SECISBP2: variants seen among roughly 807,000 people sequenced by gnomAD.
SECISBP2 encodes the protein selenocysteine insertion sequence-binding protein 2.
Under a neutral mutation model 98.2 loss-of-function variants are expected in SECISBP2, and 96 were observed. The observed-to-expected ratio is 0.98, with a 90% CI of 0.83 to 1.16. The LOEUF is 1.16. SECISBP2 is among the 50% of genes most tolerant of loss of function. SECISBP2 has a pLI of 0.00. For missense variants in SECISBP2, 1,046 were observed against 1,022.9 expected (o/e 1.02, Z -0.31); for synonymous variants, 407 against 370.2 (o/e 1.10, Z -1.14).
At position 89,341,358 on chromosome 9, in the gene SECISBP2, AAAT is replaced by A; in HGVS notation, c.1318_1320del (p.Asn440del). 1.2e-6 allele frequency: 2 copies of A among 1,613,830 alleles called. No homozygotes were observed. The highest frequency in any genetic ancestry group is 1.7e-6 in the Non-Finnish European group (2 of 1,179,774). ...TTTTGAACTTTCAGGATAATTTTAA[AAAT>A]AATGTAAAGAAGAGCCAGCTTCCAG... is the stretch of plus-strand genomic sequence containing the variant. On this transcript the variant is annotated inframe_deletion, in exon 10 of 17. Coordinates refer to ENST00000375807, the MANE Select transcript of SECISBP2 (RefSeq NM_024077.5).
At chr9:89,342,561 A>G (rs1034667246) in intron 10 of SECISBP2, among the ~76,000 whole-genome samples, 1 of 152,278 alleles carries the variant, frequency 6.6e-6, no homozygotes, top group African/African-American at 2.4e-5. Flanking sequence ...CAAATGTGGT[A>G]TACCTACACA....
At chr9:89,334,409 C>T in intron 6 of SECISBP2, 113 bp from the exon 7 acceptor site, 3 of 941,036 alleles carry the variant, frequency 3.2e-6, no homozygotes, top group Non-Finnish European at 5.0e-6. Context: ...TAAATGATAG[C>T]CTACATTTAA....
intron 1 of SECISBP2, chr9:89,318,925 G>A: frequency 7.4e-6 from 9 of 1,214,574 alleles, no homozygotes; most frequent in Non-Finnish European, 9.2e-6. Flanking sequence ...AGCTTCCCGC[G>A]CTCTTGGGAA....
intron 10 of SECISBP2, among the ~76,000 whole-genome samples, chr9:89,344,107 C>T (rs532566400): frequency 6.6e-6 from 1 of 152,104 alleles, no homozygotes; most frequent in African/African-American, 2.4e-5. Flanking sequence ...TTGTTGGCCA[C>T]GTGTATGTCT....
intron 9 of SECISBP2, among the ~76,000 whole-genome samples, chr9:89,340,417 G>A (rs1382246317): frequency 1.3e-5 from 2 of 152,256 alleles, no homozygotes; most frequent in East Asian, 3.9e-4. Context: ...CACCTACCCC[G>A]TAGATTCAGG....
At chr9:89,363,304 C>A, downstream of SECISBP2, 2 of 1,394,322 alleles carry the variant, frequency 1.4e-6, no homozygotes, top group Non-Finnish European at 1.9e-6. Context: ...AAGGAAACTG[C>A]TCCGGGGCTA....
intron 7 of SECISBP2, among the ~76,000 whole-genome samples, chr9:89,337,529 GT>G (rs987096648): frequency 3.9e-5 from 6 of 152,020 alleles, no homozygotes; most frequent in African/African-American, 1.2e-4. Context: ...GGGTTTCTCT[GT>G]TTTTTTGTTT....
downstream of SECISBP2, among the ~76,000 whole-genome samples, chr9:89,363,205 T>C (rs931958130): frequency 3.3e-5 from 5 of 152,162 alleles, no homozygotes; most frequent in African/African-American, 7.2e-5. Context: ...TTCAGTCTCT[T>C]TTAAGGGCTG....
At chr9:89,337,857 G>T (rs1040036941) in intron 7 of SECISBP2, among the ~76,000 whole-genome samples, 1 of 152,236 alleles carries the variant, frequency 6.6e-6, no homozygotes, top group Non-Finnish European at 1.5e-5. Context: ...CAGTCCAAGG[G>T]TAGAAAGCAA....
chr9:89,364,118 C>T, downstream of SECISBP2: 2 of 1,415,164 alleles, frequency 1.4e-6, no homozygotes, highest in Non-Finnish European at 1.9e-6. Context: ...TTCCCCATGG[C>T]CAGCGGGAGC....
At position 89,348,131 on chromosome 9, in the gene SECISBP2, T is replaced by A; in HGVS notation, c.1655T>A (p.Val552Glu). Reference protein sequence around the residue: ...ERKQRLQENAVSPAFTSDDTQ... With the variant: ...ERKQRLQENAESPAFTSDDTQ... The stretch of plus-strand genomic sequence containing the variant: ...AAGCAGCGTCTCCAAGAAAATGCTG[T>A]GAGTCCAGCTTTTACCAGTGATGAC... The change falls in exon 12 of 17, where the codon GTG (valine) becomes GAG (glutamate). Residue 552 changes from valine (V) to glutamate (E), a missense_variant. Transcript: ENST00000375807. 9 of 1,613,950 alleles carry A rather than the reference T, an allele frequency of 5.6e-6. No individual in the cohort carries two copies. The highest frequency in any genetic ancestry group is 7.6e-6 in the Non-Finnish European group (9 of 1,179,760).
Position 89,359,569 on chromosome 9 carries a change from G to A in SECISBP2, c.*745G>A, listed in dbSNP as rs913026447. On this transcript the variant is annotated 3_prime_UTR_variant, in exon 17 of 17. Transcript: ENST00000375807. ...ATGTGGTTTCTGTCTTAGACCAGGA[G>A]GACAGAGTTTGCTTTCATATTTTCC... 1.3e-5 allele frequency: 2 copies of A among 152,020 alleles called. No individual in the cohort carries two copies. Among genetic ancestry groups the A allele is most frequent in the Admixed American group, 6.6e-5 (1 of 15,266 alleles). The allele number at this position is 152,020 out of a possible 1,614,324, so 9.4% of individuals were successfully genotyped here.
intron 14 of SECISBP2, chr9:89,355,026 A>G: frequency 2.0e-6 from 2 of 985,190 alleles, no homozygotes; most frequent in Non-Finnish European, 1.2e-6. Context: ...CCTCCTCATC[A>G]CTTTGCAAAT....
chr9:89,332,239 C>G (rs952913496), intron 5 of SECISBP2, among the ~76,000 whole-genome samples: 1 of 152,174 alleles, frequency 6.6e-6, no homozygotes, highest in African/African-American at 2.4e-5. Context: ...CACACACACA[C>G]ACACACACAG....
rs1423764102 is a variant in SECISBP2, at chr9:89,318,508, T to C, written c.-69T>C. ...GCGTCGCCTGCGGGGGCGGAAACGC[T>C]TTGTCTGTCCGGCAAGCCGACGGCC... On this transcript the variant is annotated 5_prime_UTR_variant, in exon 1 of 17. Transcript: ENST00000375807. 2 of 1,476,530 alleles carry C rather than the reference T, an allele frequency of 1.4e-6. No individual in the cohort carries two copies. Among genetic ancestry groups the C allele is most frequent in the African/African-American group, 2.9e-5 (2 of 68,866 alleles). The allele number at this position is 1,476,530 out of a possible 1,614,324, so 91.5% of individuals were successfully genotyped here.
At chr9:89,318,702 A>T in intron 1 of SECISBP2, 90 bp downstream of exon 1, 1 of 1,303,708 alleles carries the variant, frequency 7.7e-7, no homozygotes, top group East Asian at 3.1e-5. Flanking sequence ...GGGCTGGTCC[A>T]GCGGGCGTGG....
chr9:89,329,003 T>C (rs541886934), intron 5 of SECISBP2, 117 bp downstream of exon 5: 2 of 842,822 alleles, frequency 2.4e-6, no homozygotes, highest in South Asian at 3.0e-5. Flanking sequence ...CTGGGGAGGA[T>C]GTATTGGGGG....
rs757844295 is a variant in SECISBP2, at chr9:89,325,622, G to A, written c.378G>A (p.Lys126=). Residue 126 remains lysine (K), a synonymous_variant, in exon 3 of 17, where the codon AAG becomes AAA. Transcript: ENST00000375807. The part of the protein sequence containing the change: ...PSCYRGFQTV[K]HRNENTCPLP... ...GTTACCGAGGTTTTCAAACAGTGAA[G>A]CATCGAAATGAGAACACATGCCCTC... 27 of 1,614,152 alleles carry A rather than the reference G, an allele frequency of 1.7e-5. 1 individual carries two copies. The Middle Eastern group carries it at 9.9e-4, about 59-fold the overall frequency.
chr9:89,334,210 T>G, intron 6 of SECISBP2: 1 of 1,202,852 alleles, frequency 8.3e-7, no homozygotes, highest in Non-Finnish European at 1.0e-6. Flanking sequence ...GCTTGCCACG[T>G]GGACATTTAT....
Sources: allele counts gnomAD v4.1 joint callset (sites outside exome capture counted in the v4.1 genomes callset), GRCh38; gene constraint gnomAD v4.1.1; transcripts MANE v1.5; gene names NCBI Gene and HGNC (gene_info 2026-07-23, HGNC 2026-07-21).